Variants in ZNF804A observed in about 807,000 individuals in gnomAD.
ZNF804A encodes the protein zinc finger protein 804A.
A neutral mutation model predicts 16.5 loss-of-function variants in ZNF804A; 2 were observed. The observed-to-expected ratio is 0.12, with a 90% CI of 0.05 to 0.38. ZNF804A has a LOEUF of 0.38. Among genes scored for constraint, ZNF804A ranks in the 10% least tolerant of loss-of-function variants. The probability of loss-of-function intolerance (pLI) is 0.99; values close to 1 mark genes in which losing one functional copy is unlikely to be tolerated. For synonymous variants in ZNF804A, 534 were observed against 489.6 expected, an observed-to-expected ratio of 1.09 and a Z score of -1.20; for missense variants, 1,473 against 1,390.7, an observed-to-expected ratio of 1.06 and a Z score of -0.94.
intron 1 of ZNF804A, among the ~76,000 whole-genome samples, chr2:184,664,842 T>C (rs1370509670): frequency 1.3e-5 from 2 of 151,914 alleles, no homozygotes; most frequent in South Asian, 4.1e-4. Flanking sequence ...TTTTATATTT[T>C]AAAGACTGTA....
intron 1 of ZNF804A, among the ~76,000 whole-genome samples, chr2:184,608,042 T>C (rs1691179089): frequency 7.4e-6 from 1 of 134,970 alleles, no homozygotes; most frequent in Admixed American, 8.3e-5. Context: ...GCCTCCCGGG[T>C]TCACGCCATT....
intron 1 of ZNF804A, among the ~76,000 whole-genome samples, chr2:184,731,040 C>T (rs1214056461): frequency 2.0e-5 from 3 of 151,452 alleles, no homozygotes; most frequent in South Asian, 2.1e-4. Context: ...GTCAGGAGTT[C>T]GAGACCAGCC....
At chr2:184,608,664 C>A (rs1287962502) in intron 1 of ZNF804A, among the ~76,000 whole-genome samples, 1 of 152,142 alleles carries the variant, frequency 6.6e-6, no homozygotes, top group Non-Finnish European at 1.5e-5. Context: ...TCCAGACAAG[C>A]TCCTACCCAT....
intron 1 of ZNF804A, among the ~76,000 whole-genome samples, chr2:184,619,387 G>A (rs544228389): frequency 6.6e-6 from 1 of 151,540 alleles, no homozygotes. Flanking sequence ...GAATAGAATT[G>A]GATCATTTTA....
chr2:184,922,775 C>T (rs1461473026), intron 2 of ZNF804A, among the ~76,000 whole-genome samples: 1 of 152,116 alleles, frequency 6.6e-6, no homozygotes, highest in East Asian at 1.9e-4. Context: ...CTTTCTTCTG[C>T]ATATGGATAC....
intron 1 of ZNF804A, among the ~76,000 whole-genome samples, chr2:184,790,741 C>A (rs1423742864): frequency 6.6e-6 from 1 of 151,904 alleles, no homozygotes; most frequent in Non-Finnish European, 1.5e-5. Context: ...GCAGCTGGGA[C>A]TACAGGCGCC....
At chr2:184,765,341 T>C (rs867984242) in intron 1 of ZNF804A, among the ~76,000 whole-genome samples, 5 of 152,112 alleles carry the variant, frequency 3.3e-5, no homozygotes, top group Admixed American at 6.6e-5. Flanking sequence ...ATGCCCAATT[T>C]CTGCCTCCAA....
intron 1 of ZNF804A, among the ~76,000 whole-genome samples, chr2:184,627,870 C>G (rs1363493736): frequency 6.6e-6 from 1 of 152,000 alleles, no homozygotes; most frequent in Middle Eastern, 3.2e-3. Flanking sequence ...AATATGGGTG[C>G]CTTGAATTTC....
At chr2:184,863,783 A>G (rs929051857) in intron 1 of ZNF804A, among the ~76,000 whole-genome samples, 3 of 152,300 alleles carry the variant, frequency 2.0e-5, no homozygotes, top group Non-Finnish European at 2.9e-5. Context: ...CCATGAAATC[A>G]TATTACTTAA....
intron 1 of ZNF804A, among the ~76,000 whole-genome samples, chr2:184,667,299 A>G (rs1462941653): frequency 1.3e-5 from 2 of 151,906 alleles, no homozygotes; most frequent in African/African-American, 4.8e-5. Flanking sequence ...ATAGACTTTC[A>G]TTAACTTTCA....
chr2:184,631,666 T>C (rs1482527394), intron 1 of ZNF804A, among the ~76,000 whole-genome samples: 1 of 152,228 alleles, frequency 6.6e-6, no homozygotes, highest in East Asian at 1.9e-4. Context: ...TGTCCACTTT[T>C]TCAAAGATTA....
chr2:184,814,023 G>GTTTTTTTTTTTTTT (rs1231774388), intron 1 of ZNF804A, among the ~76,000 whole-genome samples: 6 of 109,336 alleles, frequency 5.5e-5, no homozygotes, highest in Admixed American at 5.5e-4. Flanking sequence ...TTTTTTTTTG[G>GTTTTTTTTTTTTTT]CTTGTCTACT....
chr2:184,808,018 C>T (rs1694838260), intron 1 of ZNF804A, among the ~76,000 whole-genome samples: 1 of 151,296 alleles, frequency 6.6e-6, no homozygotes. Context: ...AATGTGTTTT[C>T]TTTGAATTGC....
intron 1 of ZNF804A, among the ~76,000 whole-genome samples, chr2:184,647,990 G>T (rs1176830157): frequency 1.3e-5 from 2 of 152,092 alleles, no homozygotes; most frequent in Non-Finnish European, 2.9e-5. Flanking sequence ...TAGATAAAAA[G>T]CTCAAATAAT....
chr2:184,879,082 C>A (rs757721085), intron 2 of ZNF804A, among the ~76,000 whole-genome samples: 1 of 151,834 alleles, frequency 6.6e-6, no homozygotes, highest in Admixed American at 6.6e-5. Context: ...CTACTACAAA[C>A]AAAATGATGC....
chr2:184,898,798 A>G (rs567646948), intron 2 of ZNF804A, among the ~76,000 whole-genome samples: 1 of 152,156 alleles, frequency 6.6e-6, no homozygotes, highest in Admixed American at 6.5e-5. Flanking sequence ...AGAAATATCT[A>G]TGAAAAGTAC....
intron 1 of ZNF804A, among the ~76,000 whole-genome samples, chr2:184,804,604 A>G (rs1311277912): frequency 6.6e-6 from 1 of 152,250 alleles, no homozygotes. Context: ...TGGAGCAGAA[A>G]CTAGATAATG....
intron 1 of ZNF804A, among the ~76,000 whole-genome samples, chr2:184,731,596 G>A (rs1369692492): frequency 7.3e-6 from 1 of 137,512 alleles, no homozygotes; most frequent in Admixed American, 7.3e-5. Flanking sequence ...TTGAGACAGG[G>A]TCTTGCTGTG....
At chr2:184,628,829 G>A (rs779631533) in intron 1 of ZNF804A, among the ~76,000 whole-genome samples, 2 of 152,184 alleles carry the variant, frequency 1.3e-5, no homozygotes, top group Admixed American at 6.5e-5. Flanking sequence ...AGTAATAAAT[G>A]TTTTTCAAAG....
Sources: allele counts gnomAD v4.1 joint callset (sites outside exome capture counted in the v4.1 genomes callset), GRCh38; gene constraint gnomAD v4.1.1; transcripts MANE v1.5; gene names NCBI Gene and HGNC (gene_info 2026-07-23, HGNC 2026-07-21).